Variants in DNAI4 observed in about 807,000 individuals in gnomAD.
The protein encoded by DNAI4 is WD repeat domain 78.
In DNAI4, 85 loss-of-function variants were observed where a neutral mutation model predicts 105.8. That is an observed-to-expected ratio of 0.80 (90% CI 0.67 to 0.96). DNAI4 has a LOEUF of 0.96. Among genes scored for constraint, DNAI4 ranks in the 40% least tolerant of loss-of-function variants. DNAI4 has a pLI of 0.00. For missense variants in DNAI4, 1,014 were observed against 1,005.6 expected, an observed-to-expected ratio of 1.01 and a Z score of -0.11; for synonymous variants, 352 against 331.5, an observed-to-expected ratio of 1.06 and a Z score of -0.67.
At chr1:66,870,081 G>C (rs1235893002) in intron 6 of DNAI4, among the ~76,000 whole-genome samples, 5 of 152,066 alleles carry the variant, frequency 3.3e-5, no homozygotes, top group Non-Finnish European at 7.4e-5. Flanking sequence ...TTTTGCTAGG[G>C]GTTTGTTCTG....
intron 13 of DNAI4, among the ~76,000 whole-genome samples, chr1:66,831,086 C>A (rs539561497): frequency 2.7e-4 from 41 of 150,306 alleles, no homozygotes; most frequent in African/African-American, 9.5e-4. Flanking sequence ...ATAAAATAGA[C>A]AAATTCCTTA....
At chr1:66,873,920 C>T (rs12239035) in intron 5 of DNAI4, among the ~76,000 whole-genome samples, 19,275 of 135,462 alleles carry the variant, frequency 0.14, 1,350 homozygotes, top group Middle Eastern at 0.24. Context: ...TTTAAAGGTA[C>T]GCTATTCATG....
At chr1:66,894,226 C>A (rs1367561694) in intron 2 of DNAI4, among the ~76,000 whole-genome samples, 1 of 152,160 alleles carries the variant, frequency 6.6e-6, no homozygotes, top group Non-Finnish European at 1.5e-5. Context: ...ATGCATATTA[C>A]TGCCCCCAAA....
chr1:66,815,461 T>G (rs1052753139), intron 16 of DNAI4, among the ~76,000 whole-genome samples: 3 of 152,238 alleles, frequency 2.0e-5, no homozygotes, highest in African/African-American at 7.2e-5. Context: ...TTACATATAT[T>G]ACAGATTCGT....
At chr1:66,820,728 G>A (rs1430974330) in intron 16 of DNAI4, among the ~76,000 whole-genome samples, 1 of 152,120 alleles carries the variant, frequency 6.6e-6, no homozygotes, top group East Asian at 1.9e-4. Flanking sequence ...CTGAGAAAGT[G>A]ACACTTGAGC....
chr1:66,924,825 G>A lies in DNAI4; in HGVS notation c.7C>T (p.Pro3Ser). MT[P>S]GKHSGASARA... ...GCCGAGGCTCCGGAATGTTTGCCGG[G>A]CGTCATGGCGACGGTGGAGCCCTGG... The change falls in exon 1 of 17, where the codon CCC becomes TCC. Residue 3 changes from proline to serine, a missense_variant. Transcript: ENST00000371026. The A allele has an allele frequency of 6.2e-7, 1 of 1,614,050 alleles. No individual in the cohort carries two copies. Among genetic ancestry groups the A allele is most frequent in the South Asian group, 1.1e-5 (1 of 91,084 alleles).
chr1:66,888,368 C>T (rs1647318043), intron 4 of DNAI4, among the ~76,000 whole-genome samples: 2 of 152,008 alleles, frequency 1.3e-5, no homozygotes, highest in Admixed American at 1.3e-4. Context: ...GTTTAGGTGT[C>T]ATTCATTTTA....
chr1:66,856,672 AAAAG>A (rs1319179574), intron 7 of DNAI4, among the ~76,000 whole-genome samples: 17 of 152,082 alleles, frequency 1.1e-4, no homozygotes, highest in Admixed American at 1.1e-3. Context: ...AGAATTAAAT[AAAAG>A]AAAGATAGTT....
intron 13 of DNAI4, among the ~76,000 whole-genome samples, chr1:66,831,741 T>G (rs1645869592): frequency 6.6e-6 from 1 of 152,172 alleles, no homozygotes; most frequent in Non-Finnish European, 1.5e-5. Flanking sequence ...TTCATCATCT[T>G]TACTCATCAC....
chr1:66,815,888 CT>C (rs1301248548), intron 16 of DNAI4, among the ~76,000 whole-genome samples: 3 of 152,188 alleles, frequency 2.0e-5, no homozygotes, highest in Admixed American at 6.5e-5. Context: ...GGTGTTACCC[CT>C]AACCATGAAC....
chr1:66,892,203 G>A (rs1647715700), intron 3 of DNAI4, among the ~76,000 whole-genome samples: 1 of 152,138 alleles, frequency 6.6e-6, no homozygotes, highest in African/African-American at 2.4e-5. Flanking sequence ...CATCAAAAGA[G>A]GATGTAAAGT....
chr1:66,833,598 G>A lies in DNAI4; in HGVS notation c.2000C>T (p.Ala667Val). 1 of 1,612,620 alleles carries A rather than the reference G, an allele frequency of 6.2e-7. No individual in the cohort carries two copies. Among genetic ancestry groups the A allele is most frequent in the Non-Finnish European group, 8.5e-7 (1 of 1,179,342 alleles). The change falls in exon 13 of 17, where the codon GCT becomes GTT. Residue 667 changes from alanine (A) to valine (V), a missense_variant. Ala to Val is a moderately conservative substitution (Grantham distance 64, BLOSUM62 0). Coordinates refer to ENST00000371026, the MANE Select transcript of DNAI4 (RefSeq NM_024763.5). ...ISRQAPGMCF[A>V]FHPKDTNIYL... is the part of the protein sequence containing the mutation. ...GAAATAATTTACCTTGGGATGAAAAGCAAAACACATTCCAGGAGCCTGTCG... is the reference window on the plus strand; with the variant it reads ...GAAATAATTTACCTTGGGATGAAAAACAAAACACATTCCAGGAGCCTGTCG...
chr1:66,835,582 G>GA (rs1382050781), intron 11 of DNAI4, 44 bp downstream of exon 11: 1 of 1,580,918 alleles, frequency 6.3e-7, no homozygotes, highest in African/African-American at 1.4e-5. Context: ...AAATCCTCCT[G>GA]AAAAAGCATG....
intron 8 of DNAI4, among the ~76,000 whole-genome samples, chr1:66,844,709 GA>G (rs1646233283): frequency 3.9e-5 from 6 of 151,968 alleles, no homozygotes; most frequent in Admixed American, 3.9e-4. Context: ...AGAGCTCATG[GA>G]AAGAATTAAT....
intron 7 of DNAI4, among the ~76,000 whole-genome samples, chr1:66,856,540 T>G (rs544524174): frequency 6.6e-6 from 1 of 151,982 alleles, no homozygotes; most frequent in African/African-American, 2.4e-5. Flanking sequence ...CAAATAAACA[T>G]TTTTCTCAAG....
intron 7 of DNAI4, among the ~76,000 whole-genome samples, chr1:66,852,670 TA>T (rs148288686): frequency 0.012 from 1,728 of 150,064 alleles, 32 homozygotes; most frequent in African/African-American, 0.039. Context: ...AACCATTTAT[TA>T]AAAAAAAAAT....
chr1:66,827,971 A>C (rs994939217), intron 13 of DNAI4, 61 bp from the exon 14 acceptor site: 1 of 1,052,334 alleles, frequency 9.5e-7, no homozygotes, highest in Non-Finnish European at 1.4e-6. Context: ...TGATAAATAG[A>C]AGATTAGATA....
intron 6 of DNAI4, among the ~76,000 whole-genome samples, chr1:66,865,577 G>A (rs1646715891): frequency 6.6e-6 from 1 of 152,156 alleles, no homozygotes; most frequent in African/African-American, 2.4e-5. Context: ...GAAAAATGTA[G>A]CCTTAAATCT....
At chr1:66,843,019 G>A (rs748228480) in intron 8 of DNAI4, among the ~76,000 whole-genome samples, 10 of 151,916 alleles carry the variant, frequency 6.6e-5, no homozygotes, top group East Asian at 1.9e-4. Flanking sequence ...GCAACAAAGC[G>A]AGACCTCATC....
Sources: gnomAD v4.1 joint callset for allele counts (sites outside exome capture counted in the v4.1 genomes callset) on GRCh38, gnomAD v4.1.1 for gene constraint, MANE v1.5 for transcripts, NCBI Gene and HGNC (gene_info 2026-07-23, HGNC 2026-07-21) for gene names.